Variants in DGKI observed in about 807,000 individuals in gnomAD.
DGKI encodes the protein DAG kinase iota.
DGKI carries 55 observed loss-of-function variants against 147.5 expected under a neutral mutation model. The ratio of observed to expected loss-of-function variants is 0.37; its 90% confidence interval spans 0.30 to 0.47. The LOEUF is 0.47. Ranked by LOEUF, DGKI falls within the 20% of genes least tolerant of loss-of-function variation. The probability of loss-of-function intolerance (pLI) is 1.00; values close to 1 mark genes in which losing one functional copy is unlikely to be tolerated. For synonymous variants in DGKI, 469 were observed against 477.1 expected (o/e 0.98, Z 0.22); for missense variants, 1,007 against 1,323.8 (o/e 0.76, Z 3.71).
At chr7:137,748,435 T>C (rs1344849104) in intron 1 of DGKI, among the ~76,000 whole-genome samples, 1 of 151,898 alleles carries the variant, frequency 6.6e-6, no homozygotes, top group Non-Finnish European at 1.5e-5. Context: ...CATTATTACA[T>C]AGTATTCATA....
rs766640412 is a variant in DGKI, at chr7:137,609,604, G to A, written c.999C>T (p.Ser333=). ...WIIKVKKPQN[S]LKASNRKKKR... ...TCTTCTTCCGATTTGAAGCCTTCAG[G>A]GAGTTCTGTAGGGAGAGAGAGAAAT... Residue 333 remains serine, a synonymous_variant, in exon 9 of 33, where the codon TCC becomes TCT. Transcript: ENST00000614521. The A allele has an allele frequency of 3.7e-6, 6 of 1,612,764 alleles. No homozygotes were observed. The African/African-American group carries it at 5.3e-5, about 14-fold the overall frequency.
At chr7:137,558,908 G>C (rs1818316268) in intron 19 of DGKI, among the ~76,000 whole-genome samples, 1 of 96,666 alleles carries the variant, frequency 1.0e-5, no homozygotes, top group Non-Finnish European at 2.0e-5. Flanking sequence ...AATGCTATTA[G>C]TAGTGGTGGT....
At chr7:137,617,376 G>A (rs1330512434) in intron 8 of DGKI, among the ~76,000 whole-genome samples, 4 of 151,920 alleles carry the variant, frequency 2.6e-5, no homozygotes, top group Non-Finnish European at 4.4e-5. Context: ...GTCAACAAAA[G>A]GCAGTTGTGA....
At chr7:137,834,308 T>C (rs575824301) in intron 1 of DGKI, among the ~76,000 whole-genome samples, 2 of 152,328 alleles carry the variant, frequency 1.3e-5, no homozygotes, top group South Asian at 4.1e-4. Flanking sequence ...CATCTATATA[T>C]TGGGTTCGTA....
At position 137,822,119 on chromosome 7, in the gene DGKI, C is replaced by T. The variant is rs142204915; in HGVS notation, c.401+24343G>A. Among the ~76,000 whole-genome samples the T allele has an allele frequency of 3.8e-3, 579 of 152,264 alleles. 1 individual carries two copies. The highest frequency in any genetic ancestry group is 0.013 in the African/African-American group (559 of 41,550). ...TATCCACTGAATAATAATAATTCAGCCTCAGGGCACAGAGCGGTGGCTGAC... is the reference window on the plus strand; with the variant it reads ...TATCCACTGAATAATAATAATTCAGTCTCAGGGCACAGAGCGGTGGCTGAC... On this transcript the variant is annotated intron_variant, in intron 1 of 32. Transcript: ENST00000614521.
At position 137,562,314 on chromosome 7, in the gene DGKI, T is replaced by TCA. The variant is rs377349702; in HGVS notation, c.1947+8859_1947+8860dup. Among the ~76,000 whole-genome samples the TCA allele has an allele frequency of 3.0e-3, 462 of 152,322 alleles. 4 individuals carry two copies. The highest frequency in any genetic ancestry group is 0.011 in the African/African-American group (440 of 41,580). ...ACTTTGGGAGGCCAAGGTGGGCAGA[T>TCA]CACCAGAGGTCAGGAGTTCGAGACC... On this transcript the variant is annotated intron_variant, in intron 19 of 32. Coordinates refer to ENST00000614521, the MANE Select transcript of DGKI (RefSeq NM_001321708.2).
At chr7:137,623,922 T>C (rs567967106) in intron 6 of DGKI, among the ~76,000 whole-genome samples, 1 of 151,944 alleles carries the variant, frequency 6.6e-6, no homozygotes, top group South Asian at 2.1e-4. Flanking sequence ...CTAACAATAA[T>C]CATTCATCTC....
chr7:137,836,289 T>A (rs760086845), intron 1 of DGKI, among the ~76,000 whole-genome samples: 1 of 152,208 alleles, frequency 6.6e-6, no homozygotes, highest in Non-Finnish European at 1.5e-5. Flanking sequence ...TGAGAAAGAA[T>A]GACTCAGGTT....
At chr7:137,729,606 G>A (rs1794810468) in intron 1 of DGKI, among the ~76,000 whole-genome samples, 2 of 152,056 alleles carry the variant, frequency 1.3e-5, no homozygotes, top group African/African-American at 4.8e-5. Context: ...CTTCCGGGGA[G>A]CACAGTCCTC....
intron 6 of DGKI, among the ~76,000 whole-genome samples, chr7:137,636,500 T>C (rs1821317460): frequency 6.6e-6 from 1 of 152,214 alleles, no homozygotes. Flanking sequence ...TTGAATACTG[T>C]GGCTTTCCAC....
chr7:137,581,716 C>T (rs1317510219), intron 15 of DGKI, 134 bp downstream of exon 15: 2 of 709,404 alleles, frequency 2.8e-6, no homozygotes, highest in African/African-American at 1.8e-5. Context: ...CTCCCAGAGT[C>T]ATCCTGAAGG....
At chr7:137,612,473 C>T (rs1820397655) in intron 8 of DGKI, among the ~76,000 whole-genome samples, 1 of 151,924 alleles carries the variant, frequency 6.6e-6, no homozygotes, top group Non-Finnish European at 1.5e-5. Context: ...CCCATGGCTC[C>T]CTTCTATTTT....
chr7:137,413,532 A>G (rs961403897), intron 28 of DGKI, among the ~76,000 whole-genome samples: 1 of 152,136 alleles, frequency 6.6e-6, no homozygotes, highest in African/African-American at 2.4e-5. Flanking sequence ...AGAAGATGCA[A>G]TATTTGGTTT....
At chr7:137,838,035 A>C (rs1585554456) in intron 1 of DGKI, among the ~76,000 whole-genome samples, 2 of 124,442 alleles carry the variant, frequency 1.6e-5, no homozygotes, top group African/African-American at 3.2e-5. Flanking sequence ...ACAGAGTCTC[A>C]CTCTGTCACC....
chr7:137,590,473 A>G (rs1437392754), intron 12 of DGKI, among the ~76,000 whole-genome samples: 1 of 152,216 alleles, frequency 6.6e-6, no homozygotes, highest in Non-Finnish European at 1.5e-5. Flanking sequence ...ATTACTAGAA[A>G]CCAAAGGGAT....
chr7:137,497,899 AC>A (rs149885057), intron 21 of DGKI, among the ~76,000 whole-genome samples: 1,797 of 152,128 alleles, frequency 0.012, 36 homozygotes, highest in African/African-American at 0.041. Context: ...CACACTAAAC[AC>A]CTGTGACACA....
intron 29 of DGKI, 30 bp from the exon 30 acceptor site, chr7:137,408,025 C>G (rs754757758): frequency 1.4e-5 from 22 of 1,612,288 alleles, no homozygotes; most frequent in Non-Finnish European, 1.7e-5. Context: ...AAAAGAAGCT[C>G]AGGCAGAATT....
Position 137,803,129 on chromosome 7 carries a change from C to A in DGKI, c.401+43333G>T, listed in dbSNP as rs117787492. Among the ~76,000 whole-genome samples the A allele has an allele frequency of 8.3e-4, 127 of 152,108 alleles. 2 individuals carry two copies. In the East Asian group the frequency reaches 0.019, roughly 22 times the overall value. ...AATGCATCCTGGAGAAGCAAGTGAG[C>A]GATTAAAGGTTTCTACATTTGGAGA... On this transcript the variant is annotated intron_variant, in intron 1 of 32. Transcript: ENST00000614521.
chr7:137,715,121 G>T (rs1172639115), intron 1 of DGKI, among the ~76,000 whole-genome samples: 1 of 152,136 alleles, frequency 6.6e-6, no homozygotes, highest in Non-Finnish European at 1.5e-5. Flanking sequence ...TTGCTTTTTG[G>T]TGAAAAGCAG....
Sources: gnomAD v4.1 joint callset for allele counts (sites outside exome capture counted in the v4.1 genomes callset) on GRCh38, gnomAD v4.1.1 for gene constraint, MANE v1.5 for transcripts, NCBI Gene and HGNC (gene_info 2026-07-23, HGNC 2026-07-21) for gene names.